The following RPS15A variants were observed in gnomAD, a reference collection of about 807,000 sequenced individuals.
RPS15A encodes small ribosomal subunit protein uS8.
For synonymous variants in RPS15A, 55 were observed against 58.5 expected (o/e 0.94, Z 0.27); for missense variants, 62 against 163.4 (o/e 0.38, Z 3.38).
chr16:18,786,538 G>A (rs1826648679), intron 3 of RPS15A: 1 of 152,980 alleles, frequency 6.5e-6, no homozygotes, highest in Admixed American at 6.5e-5. Flanking sequence ...AGCACTCTGG[G>A]AGGCTGAGGT....
At chr16:18,788,948 T>A (rs747609226) in intron 2 of RPS15A, 33 bp downstream of exon 2, 1 of 1,597,132 alleles carries the variant, frequency 6.3e-7, no homozygotes, top group Non-Finnish European at 8.5e-7. Context: ...GAGTCTCACA[T>A]GAAAACATAA....
chr16:18,789,098 C>G lies in RPS15A; in HGVS notation c.16G>C (p.Val6Leu). The change falls in exon 2 of 5, where the codon GTC becomes CTC. Residue 6 changes from valine (V) to leucine (L), a missense_variant. Transcript: ENST00000322989. MVRMN[V>L]LADALKSINN... ...ATACTCTTGAGAGCATCTGCCAGGA[C>G]ATTCATGCGCACCATTGTGGCTGTT... 1 of 1,613,310 alleles carries G rather than the reference C, an allele frequency of 6.2e-7. No individual in the cohort carries two copies. Among genetic ancestry groups the G allele is most frequent in the Non-Finnish European group, 8.5e-7 (1 of 1,179,726 alleles).
chr16:18,788,368 CTA>C (rs919818635), intron 2 of RPS15A, among the ~76,000 whole-genome samples: 40 of 152,338 alleles, frequency 2.6e-4, no homozygotes, highest in African/African-American at 7.9e-4. Flanking sequence ...CTGAAAGAAA[CTA>C]TTTTCCCCTT....
rs187227803 is a variant in RPS15A at position 18,789,858 on chromosome 16, C to G, written c.-6+386G>C. ...GCGGCCCAGAAGATCCAAGTTGGCA[C>G]CCAGCAAACTGCCAACCCCGGCACG... On this transcript the variant is annotated intron_variant, in intron 1 of 4. Coordinates refer to ENST00000322989, the MANE Select transcript of RPS15A (RefSeq NM_001019.5). 3.3e-5 allele frequency: 5 copies of G among 152,366 alleles called. No homozygotes were observed. The East Asian group carries it at 9.6e-4, about 29-fold the overall frequency. The allele number at this position is 152,366 out of a possible 1,614,324, so 9.4% of individuals were successfully genotyped here.
At chr16:18,784,928 C>G (rs1476179328) in intron 3 of RPS15A, 105 bp from the exon 4 acceptor site, 6 of 857,090 alleles carry the variant, frequency 7.0e-6, no homozygotes, top group Non-Finnish European at 9.3e-6. Context: ...CCAAACCAAC[C>G]AACCCAGCAT....
chr16:18,783,781 G>A, intron 4 of RPS15A: 1 of 447,430 alleles, frequency 2.2e-6, no homozygotes, highest in South Asian at 1.6e-5. Flanking sequence ...TAAATCAGGT[G>A]ATAAACAGAG....
rs1010162105 is a variant in RPS15A at position 18,788,292 on chromosome 16, A to T, written c.134-150T>A. 6 of 606,276 alleles carry T rather than the reference A, an allele frequency of 9.9e-6. No individual in the cohort carries two copies. The Admixed American group carries it at 1.8e-4, about 18-fold the overall frequency. The allele number at this position is 606,276 out of a possible 1,614,324, so 37.6% of individuals were successfully genotyped here. A position where few individuals can be genotyped will look rare whatever the true frequency, so the allele number is the denominator to read the frequency against. ...GGGAAGACAGTTGCTCTGTATCAGAACTAATTTTTACAACCTAACATATAA... is the reference window on the plus strand; with the variant it reads ...GGGAAGACAGTTGCTCTGTATCAGATCTAATTTTTACAACCTAACATATAA... On this transcript the variant is annotated intron_variant, in intron 2 of 4. Coordinates refer to ENST00000322989, the MANE Select transcript of RPS15A (RefSeq NM_001019.5).
chr16:18,789,579 A>G (rs2029979526), intron 1 of RPS15A, among the ~76,000 whole-genome samples: 2 of 152,224 alleles, frequency 1.3e-5, no homozygotes, highest in Middle Eastern at 3.2e-3. Context: ...TTAACATTGT[A>G]CTTTAAATCA....
rs1044387570 is a variant in RPS15A, at chr16:18,781,689, G to A, written c.*1320C>T. 2 of 151,352 alleles carry A rather than the reference G, an allele frequency of 1.3e-5. No homozygotes were observed. The highest frequency in any genetic ancestry group is 3.0e-5 in the Non-Finnish European group (2 of 67,704). 9.4% of individuals were successfully genotyped at this position (151,352 alleles called of 1,614,324 possible). ...ATTACCCACAGCCTCCCAAACATCA[G>A]AGGCCCCAAACATGCCTCCCAACTC... On this transcript the variant is annotated 3_prime_UTR_variant, in exon 5 of 5. Coordinates refer to ENST00000322989, the MANE Select transcript of RPS15A (RefSeq NM_001019.5).
At chr16:18,788,674 GTTTT>G (rs914864105) in intron 2 of RPS15A, 33 of 253,130 alleles carry the variant, frequency 1.3e-4, no homozygotes, top group Middle Eastern at 1.3e-3. Flanking sequence ...TTTGTTTTTT[GTTTT>G]TTTAGTAGAG....
intron 4 of RPS15A, chr16:18,783,505 G>T (rs1041930171): frequency 2.7e-6 from 1 of 366,992 alleles, no homozygotes; most frequent in African/African-American, 2.1e-5. Context: ...ATATGGAGAC[G>T]TTCATTTGTA....
chr16:18,782,828 T>C lies in RPS15A; in HGVS notation c.*181A>G, dbSNP rs1318796770. Reference sequence around the variant, plus strand: ...GTGACTGTTTCTTAGGCATACTGGTTTCATAAGAACTTTTTCCCTTGGCTG... The same window carrying C: ...GTGACTGTTTCTTAGGCATACTGGTCTCATAAGAACTTTTTCCCTTGGCTG... On this transcript the variant is annotated 3_prime_UTR_variant, in exon 5 of 5. Coordinates refer to ENST00000322989, the MANE Select transcript of RPS15A (RefSeq NM_001019.5). 1 of 533,288 alleles carries C rather than the reference T, an allele frequency of 1.9e-6. No individual in the cohort carries two copies. The highest frequency in any genetic ancestry group is 3.6e-5 in the Admixed American group (1 of 27,840). The allele number at this position is 533,288 out of a possible 1,614,324, so 33.0% of individuals were successfully genotyped here. A position where few individuals can be genotyped will look rare whatever the true frequency, so the allele number is the denominator to read the frequency against.
Position 18,788,966 on chromosome 16 carries a change from C to A in RPS15A, c.133+15G>T. 6.2e-7 allele frequency: 1 copy of A among 1,604,982 alleles called. No individual in the cohort carries two copies. The highest frequency in any genetic ancestry group is 8.5e-7 in the Non-Finnish European group (1 of 1,176,800). On this transcript the variant is annotated intron_variant, in intron 2 of 4. Coordinates refer to ENST00000322989, the MANE Select transcript of RPS15A (RefSeq NM_001019.5). ...TCTCACATGAAAACATAAAACACAG[C>A]GGCAGCAGACTTACCATGCTTCATC...
Position 18,788,999 on chromosome 16 carries a change from T to A in RPS15A, c.115A>T (p.Thr39Ser). 1 of 1,613,052 alleles carries A rather than the reference T, an allele frequency of 6.2e-7. No homozygotes were observed. Among genetic ancestry groups the A allele is most frequent in the Non-Finnish European group, 8.5e-7 (1 of 1,179,626 alleles). The stretch of plus-strand genomic sequence containing the variant: ...GACTTACCATGCTTCATCATCACAG[T>A]GAGAAACCGGACGATGACTTTGGAG... ...PCSKVIVRFL[T>S]VMMKHGYIGE... The change falls in exon 2 of 5, where the codon ACT (threonine) becomes TCT (serine). Residue 39 changes from threonine (T) to serine (S), a missense_variant. By Grantham distance (58) the Thr-to-Ser change is moderately conservative (BLOSUM62 1). Transcript: ENST00000322989.
chr16:18,787,135 T>A (rs1313489264), intron 3 of RPS15A, among the ~76,000 whole-genome samples: 1 of 152,256 alleles, frequency 6.6e-6, no homozygotes. Context: ...AGTGCTGGGA[T>A]TACAGGCGTG....
rs1903985057 is a variant in RPS15A at position 18,782,737 on chromosome 16, A to G, written c.*272T>C. Reference sequence around the variant, plus strand: ...ACTCTGTCTCCAAAAAAGAAAAAAAAAAAAAAAAACTGAAATACAACTAAA... The same window carrying G: ...ACTCTGTCTCCAAAAAAGAAAAAAAGAAAAAAAAACTGAAATACAACTAAA... On this transcript the variant is annotated 3_prime_UTR_variant, in exon 5 of 5. Transcript: ENST00000322989. 3.6e-6 allele frequency: 1 copy of G among 274,060 alleles called. No homozygotes were observed. The highest frequency in any genetic ancestry group is 6.9e-6 in the Non-Finnish European group (1 of 145,130). 17.0% of individuals were successfully genotyped at this position (274,060 alleles called of 1,614,324 possible).
intron 4 of RPS15A, chr16:18,783,737 T>C (rs780279310): frequency 2.2e-6 from 1 of 455,742 alleles, no homozygotes; most frequent in Non-Finnish European, 4.4e-6. Flanking sequence ...GATACACATT[T>C]ACTGTGTCAG....
intron 3 of RPS15A, among the ~76,000 whole-genome samples, chr16:18,787,414 G>T (rs1309926749): frequency 6.6e-6 from 1 of 152,128 alleles, no homozygotes; most frequent in Non-Finnish European, 1.5e-5. Flanking sequence ...AGGCAGGTTG[G>T]ACAAGCCTGA....
rs35532647 is a variant in RPS15A at position 18,784,028 on chromosome 16, T to C, written c.299+710A>G. 2.2e-3 allele frequency: 447 copies of C among 202,464 alleles called. 1 individual carries two copies. The highest frequency in any genetic ancestry group is 3.7e-3 in the Non-Finnish European group (355 of 96,956). The allele number at this position is 202,464 out of a possible 1,614,324, so 12.5% of individuals were successfully genotyped here. ...GACATGAAAGTGGACACGACCCCCC[T>C]TTTCTGCCAGTCTAAGCTCTCATGT... is the stretch of plus-strand genomic sequence containing the variant. On this transcript the variant is annotated intron_variant, in intron 4 of 4. Transcript: ENST00000322989.
Sources: allele counts gnomAD v4.1 joint callset (sites outside exome capture counted in the v4.1 genomes callset), GRCh38; gene constraint gnomAD v4.1.1; transcripts MANE v1.5; gene names NCBI Gene and HGNC (gene_info 2026-07-23, HGNC 2026-07-21).